The following WDPCP variants were observed in gnomAD, a reference collection of about 807,000 sequenced individuals.
The protein encoded by WDPCP is WD repeat-containing and planar cell polarity effector protein fritz homolog.
WDPCP carries 71 observed loss-of-function variants against 93.1 expected under a neutral mutation model. The ratio of observed to expected loss-of-function variants is 0.76; its 90% CI spans 0.63 to 0.93. WDPCP has a LOEUF of 0.93. Among genes scored for constraint, WDPCP ranks in the 40% least tolerant of loss-of-function variants. The pLI is 0.00. For missense variants in WDPCP, 844 were observed against 887.4 expected, an observed-to-expected ratio of 0.95 and a Z score of 0.62; for synonymous variants, 315 against 315.0, an observed-to-expected ratio of 1.00 and a Z score of 0.00.
At chr2:63,638,699 G>T (rs183791361) in intron 3 of WDPCP, among the ~76,000 whole-genome samples, 2 of 152,042 alleles carry the variant, frequency 1.3e-5, no homozygotes, top group Non-Finnish European at 2.9e-5. Context: ...TGAGGTGGGA[G>T]GATCACTTGA....
chr2:63,742,509 C>T (rs916532966), intron 2 of WDPCP, among the ~76,000 whole-genome samples: 6 of 151,538 alleles, frequency 4.0e-5, no homozygotes, highest in African/African-American at 1.5e-4. Flanking sequence ...TTATCGTGCC[C>T]TGCCTGATCC....
intron 15 of WDPCP, among the ~76,000 whole-genome samples, chr2:63,172,366 G>A (rs1032723915): frequency 1.3e-5 from 2 of 152,040 alleles, no homozygotes; most frequent in Admixed American, 1.3e-4. Context: ...AAATTAGCCC[G>A]GTATGGTGGC....
intron 6 of WDPCP, among the ~76,000 whole-genome samples, chr2:63,471,966 G>C (rs1372309098): frequency 6.6e-6 from 1 of 151,890 alleles, no homozygotes; most frequent in East Asian, 1.9e-4. Flanking sequence ...TATACTTTAA[G>C]TTTTAGGGTA....
intron 2 of WDPCP, among the ~76,000 whole-genome samples, chr2:63,809,717 G>T (rs1167319485): frequency 5.9e-5 from 9 of 151,888 alleles, no homozygotes; most frequent in Admixed American, 5.2e-4. Flanking sequence ...AAGGCAGCAT[G>T]CTCGTTAAGA....
intron 12 of WDPCP, among the ~76,000 whole-genome samples, chr2:63,352,490 G>A (rs1689704903): frequency 6.6e-6 from 1 of 152,172 alleles, no homozygotes; most frequent in African/African-American, 2.4e-5. Context: ...AATGTTGAGT[G>A]CCGATACTTT....
intron 1 of WDPCP, among the ~76,000 whole-genome samples, chr2:63,511,064 A>T (rs1702202661): frequency 6.6e-6 from 1 of 152,226 alleles, no homozygotes; most frequent in Non-Finnish European, 1.5e-5. Context: ...TCAGGATACA[A>T]AATCAATGTG....
chr2:63,200,853 A>G (rs1675854650), intron 14 of WDPCP, among the ~76,000 whole-genome samples: 2 of 152,154 alleles, frequency 1.3e-5, no homozygotes, highest in Non-Finnish European at 1.5e-5. Context: ...GATGGTTACT[A>G]GAGCTGGGAA....
intron 1 of WDPCP, 147 bp downstream of exon 1, chr2:63,588,050 C>T (rs1015862573): frequency 1.4e-5 from 14 of 983,016 alleles, no homozygotes; most frequent in Non-Finnish European, 2.0e-5. Context: ...AGCTGCATTC[C>T]CACAGCCCTC....
At chr2:63,184,432 T>C (rs1290089243) in intron 14 of WDPCP, among the ~76,000 whole-genome samples, 1 of 152,170 alleles carries the variant, frequency 6.6e-6, no homozygotes, top group Non-Finnish European at 1.5e-5. Context: ...ATTCCATCAG[T>C]GTTTGGGAAG....
At chr2:63,354,304 G>C (rs1020452179) in intron 12 of WDPCP, among the ~76,000 whole-genome samples, 1 of 152,164 alleles carries the variant, frequency 6.6e-6, no homozygotes, top group Non-Finnish European at 1.5e-5. Context: ...GAGCCTCCAG[G>C]AGACAAGCAT....
At chr2:63,219,592 C>T (rs929463119) in intron 14 of WDPCP, among the ~76,000 whole-genome samples, 5 of 152,110 alleles carry the variant, frequency 3.3e-5, no homozygotes, top group Non-Finnish European at 5.9e-5. Context: ...ATTGTTAAAA[C>T]TTTGGTTATT....
Position 63,588,175 on chromosome 2 carries a change from T to A in WDPCP, c.75+22A>T, listed in dbSNP as rs760497156. 1.6e-5 allele frequency: 25 copies of A among 1,555,306 alleles called. No homozygotes were observed. In the Admixed American group the frequency reaches 2.1e-4, roughly 13 times the overall value. On this transcript the variant is annotated intron_variant, in intron 1 of 17. Coordinates refer to ENST00000272321, the MANE Select transcript of WDPCP (RefSeq NM_015910.7). ...GATCCTAAGGTTAAAAGAAAACCCC[T>A]TGCCCTCGGGCCAGGGCTCACCTGT...
chr2:63,204,817 G>A (rs1676208900), intron 14 of WDPCP, among the ~76,000 whole-genome samples: 2 of 152,066 alleles, frequency 1.3e-5, no homozygotes, highest in East Asian at 3.9e-4. Flanking sequence ...TTCACTTTGT[G>A]GATTGTTTCC....
At chr2:63,704,612 A>G (rs1422054957) in intron 2 of WDPCP, among the ~76,000 whole-genome samples, 1 of 152,118 alleles carries the variant, frequency 6.6e-6, no homozygotes, top group Non-Finnish European at 1.5e-5. Context: ...ATTGATTTGC[A>G]TAGGTTGAAC....
intron 3 of WDPCP, among the ~76,000 whole-genome samples, chr2:63,618,856 A>G (rs974111547): frequency 2.0e-5 from 3 of 151,860 alleles, no homozygotes; most frequent in Non-Finnish European, 4.4e-5. Flanking sequence ...CGCCTAGCTA[A>G]TTTTGTATTT....
intron 2 of WDPCP, among the ~76,000 whole-genome samples, chr2:63,670,917 G>A (rs2106635188): frequency 6.6e-6 from 1 of 152,220 alleles, no homozygotes; most frequent in South Asian, 2.1e-4. Flanking sequence ...GAAAAGGGAA[G>A]GCTAAATAAA....
chr2:63,270,086 A>G (rs935893211), intron 13 of WDPCP, among the ~76,000 whole-genome samples: 13 of 152,214 alleles, frequency 8.5e-5, no homozygotes, highest in Admixed American at 7.2e-4. Flanking sequence ...GAAGTATGTT[A>G]AATAACTTAC....
intron 1 of WDPCP, among the ~76,000 whole-genome samples, chr2:63,554,485 C>G (rs748316330): frequency 3.9e-5 from 6 of 152,034 alleles, no homozygotes; most frequent in Admixed American, 1.3e-4. Flanking sequence ...AACCCCATCT[C>G]TATTAAAAAT....
At chr2:63,259,207 A>C (rs893247184) in intron 14 of WDPCP, 100 bp downstream of exon 14, 3 of 1,008,012 alleles carry the variant, frequency 3.0e-6, no homozygotes, top group Non-Finnish European at 4.6e-6. Context: ...TTACAAACAA[A>C]GTAATTCAAA....
Sources: allele counts gnomAD v4.1 joint callset (sites outside exome capture counted in the v4.1 genomes callset), GRCh38; gene constraint gnomAD v4.1.1; transcripts MANE v1.5; gene names NCBI Gene and HGNC (gene_info 2026-07-23, HGNC 2026-07-21).